FOXP2: variants seen among roughly 807,000 people sequenced by gnomAD.
The protein encoded by FOXP2 is forkhead box P2.
Under a neutral mutation model 115.8 loss-of-function variants are expected in FOXP2, and 12 were observed. The ratio of observed to expected loss-of-function variants is 0.10; its 90% CI spans 0.07 to 0.17. The LOEUF (loss-of-function observed/expected upper bound fraction) is 0.17. FOXP2 is among the 10% of genes least tolerant of loss of function. FOXP2 has a pLI of 1.00. For synonymous variants in FOXP2, 328 were observed against 297.7 expected, an observed-to-expected ratio of 1.10 and a Z score of -1.05; for missense variants, 629 against 843.5, an observed-to-expected ratio of 0.75 and a Z score of 3.15.
intron 3 of FOXP2, among the ~76,000 whole-genome samples, chr7:114,547,691 G>A (rs1371726507): frequency 6.6e-6 from 1 of 152,000 alleles, no homozygotes; most frequent in Non-Finnish European, 1.5e-5. Flanking sequence ...CCCGGGAGGC[G>A]GAGGTTGCAG....
chr7:114,378,718 G>T (rs372165086), intron 2 of FOXP2, among the ~76,000 whole-genome samples: 1 of 53,552 alleles, frequency 1.9e-5, no homozygotes, highest in African/African-American at 5.7e-5. Context: ...GAAAAAGAAA[G>T]AAAGTGAAAA....
intron 1 of FOXP2, among the ~76,000 whole-genome samples, chr7:114,276,576 G>A (rs779794164): frequency 1.3e-5 from 2 of 152,116 alleles, no homozygotes; most frequent in Non-Finnish European, 2.9e-5. Context: ...GCTGGTGGGG[G>A]AGTATACCTG....
chr7:114,381,887 A>G (rs1336985519), intron 2 of FOXP2, among the ~76,000 whole-genome samples: 1 of 152,016 alleles, frequency 6.6e-6, no homozygotes, highest in Non-Finnish European at 1.5e-5. Context: ...GGAATCCTTT[A>G]GTTTAACTTG....
chr7:114,504,476 T>C (rs1397208773), intron 2 of FOXP2, among the ~76,000 whole-genome samples: 1 of 151,698 alleles, frequency 6.6e-6, no homozygotes, highest in Non-Finnish European at 1.5e-5. Flanking sequence ...ATGTTATTTC[T>C]GTTCCTTGGT....
intron 2 of FOXP2, among the ~76,000 whole-genome samples, chr7:114,400,123 G>T (rs1244083493): frequency 6.6e-6 from 1 of 152,034 alleles, no homozygotes; most frequent in Admixed American, 6.5e-5. Flanking sequence ...CTCCCAAAGT[G>T]CTAGGATTAC....
At chr7:114,249,704 A>G (rs1290864816) in intron 1 of FOXP2, among the ~76,000 whole-genome samples, 1 of 151,968 alleles carries the variant, frequency 6.6e-6, no homozygotes, top group Non-Finnish European at 1.5e-5. Context: ...TAATAGAATG[A>G]TTTATATTCC....
chr7:114,302,424 TA>T (rs148703395), intron 2 of FOXP2, among the ~76,000 whole-genome samples: 3,506 of 152,256 alleles, frequency 0.023, 86 homozygotes, highest in African/African-American at 0.055. Context: ...GAAAGCACTT[TA>T]AAAAATATTA....
Position 114,457,620 on chromosome 7 carries a change from T to C in FOXP2, c.168+30941T>C, listed in dbSNP as rs373066762. Among the ~76,000 whole-genome samples, 206 of 152,258 alleles carry C rather than the reference T, an allele frequency of 1.4e-3. 1 individual carries two copies. Among genetic ancestry groups the C allele is most frequent in the South Asian group, 7.5e-3 (36 of 4,832 alleles). ...CATATTAAAAATATATTCTCATGGCTGGGCGCAGTGGCTCACGCCTGTAAT... is the reference window on the plus strand; with the variant it reads ...CATATTAAAAATATATTCTCATGGCCGGGCGCAGTGGCTCACGCCTGTAAT... On this transcript the variant is annotated intron_variant, in intron 2 of 16. Transcript: ENST00000350908.
intron 2 of FOXP2, among the ~76,000 whole-genome samples, chr7:114,476,847 A>G (rs1029384039): frequency 2.6e-5 from 4 of 151,874 alleles, no homozygotes; most frequent in Non-Finnish European, 5.9e-5. Context: ...TTCTGTATTC[A>G]TAGGTATTTC....
At chr7:114,276,790 T>C (rs1198620923) in intron 1 of FOXP2, among the ~76,000 whole-genome samples, 1 of 152,194 alleles carries the variant, frequency 6.6e-6, no homozygotes, top group Non-Finnish European at 1.5e-5. Flanking sequence ...GAAGAATTGA[T>C]TTTTCAGCCT....
chr7:114,524,251 G>A (rs1221561567), intron 2 of FOXP2, among the ~76,000 whole-genome samples: 2 of 151,796 alleles, frequency 1.3e-5, no homozygotes, highest in African/African-American at 4.8e-5. Flanking sequence ...CTTTTTTAAG[G>A]GGAGTAAAAT....
intron 2 of FOXP2, among the ~76,000 whole-genome samples, chr7:114,501,426 T>A (rs1584815268): frequency 6.6e-6 from 1 of 152,142 alleles, no homozygotes; most frequent in Non-Finnish European, 1.5e-5. Flanking sequence ...TTCACTAGCC[T>A]TAGGAGCTGC....
upstream of FOXP2, among the ~76,000 whole-genome samples, chr7:114,412,657 T>C (rs958607558): frequency 3.3e-5 from 5 of 152,170 alleles, no homozygotes; most frequent in Admixed American, 6.6e-5. Flanking sequence ...CGTACCCCGA[T>C]GCAGCTTTGT....
chr7:114,547,623 G>T (rs1799994914), intron 3 of FOXP2, among the ~76,000 whole-genome samples: 1 of 152,132 alleles, frequency 6.6e-6, no homozygotes, highest in South Asian at 2.1e-4. Context: ...TCTGGGCGTG[G>T]TGGCACGTGC....
chr7:114,544,198 G>C (rs1052206272), intron 3 of FOXP2, among the ~76,000 whole-genome samples: 4 of 152,088 alleles, frequency 2.6e-5, no homozygotes, highest in Non-Finnish European at 5.9e-5. Context: ...CGTGTCTTGA[G>C]TGTGAAGAGA....
intron 2 of FOXP2, among the ~76,000 whole-genome samples, chr7:114,345,334 G>A (rs1791321289): frequency 6.6e-6 from 1 of 151,746 alleles, no homozygotes. Flanking sequence ...GATTTTGATA[G>A]TTGTATATTT....
intron 1 of FOXP2, among the ~76,000 whole-genome samples, chr7:114,122,872 A>C (rs559491706): frequency 6.6e-6 from 1 of 152,140 alleles, no homozygotes; most frequent in Admixed American, 6.6e-5. Context: ...CTTTTCTTGT[A>C]TATGATTTTT....
intron 2 of FOXP2, among the ~76,000 whole-genome samples, chr7:114,384,346 A>G (rs1479732644): frequency 6.6e-6 from 1 of 152,208 alleles, no homozygotes; most frequent in Non-Finnish European, 1.5e-5. Context: ...TTCATTTCAG[A>G]GAGGGTATAG....
intron 1 of FOXP2, among the ~76,000 whole-genome samples, chr7:114,149,277 G>T (rs1410448890): frequency 6.6e-6 from 1 of 151,824 alleles, no homozygotes; most frequent in African/African-American, 2.4e-5. Context: ...TCTTTTACCA[G>T]TTACTTGTGA....
Sources: gnomAD v4.1 joint callset for allele counts (sites outside exome capture counted in the v4.1 genomes callset) on GRCh38, gnomAD v4.1.1 for gene constraint, MANE v1.5 for transcripts, NCBI Gene and HGNC (gene_info 2026-07-23, HGNC 2026-07-21) for gene names.